Variants in NCAM2 observed in about 807,000 individuals in gnomAD.
NCAM2 encodes the protein N-CAM-2.
A neutral mutation model predicts 98.1 loss-of-function variants in NCAM2; 30 were observed. That is an observed-to-expected ratio of 0.31 (90% confidence interval 0.23 to 0.41). The LOEUF is 0.41. NCAM2 is among the 10% of genes least tolerant of loss of function. The pLI is 1.00. For missense variants in NCAM2, 867 were observed against 1,005.8 expected, an observed-to-expected ratio of 0.86 and a Z score of 1.87; for synonymous variants, 368 against 342.4, an observed-to-expected ratio of 1.07 and a Z score of -0.83.
chr21:21,458,818 C>T (rs1982539549), intron 12 of NCAM2, among the ~76,000 whole-genome samples: 1 of 152,036 alleles, frequency 6.6e-6, no homozygotes, highest in South Asian at 2.1e-4. Flanking sequence ...CACCCAAAGC[C>T]TAGGCAACAA....
chr21:21,324,905 A>G (rs2074472600), intron 6 of NCAM2, among the ~76,000 whole-genome samples: 1 of 152,148 alleles, frequency 6.6e-6, no homozygotes, highest in Non-Finnish European at 1.5e-5. Flanking sequence ...GTATATTTGT[A>G]TTATACACAA....
chr21:21,473,358 C>T (rs1984709741), intron 14 of NCAM2, among the ~76,000 whole-genome samples: 1 of 120,132 alleles, frequency 8.3e-6, no homozygotes, highest in Non-Finnish European at 1.7e-5. Flanking sequence ...ATATAATATA[C>T]AAAATATATG....
intron 1 of NCAM2, among the ~76,000 whole-genome samples, chr21:21,279,427 C>A (rs144185197): frequency 1.3e-5 from 2 of 152,088 alleles, no homozygotes; most frequent in Non-Finnish European, 2.9e-5. Context: ...CGTGCGATCT[C>A]GGCTCACTGC....
intron 9 of NCAM2, among the ~76,000 whole-genome samples, chr21:21,375,398 C>T (rs1341704869): frequency 6.6e-6 from 1 of 151,518 alleles, no homozygotes; most frequent in Non-Finnish European, 1.5e-5. Context: ...TTGATTCTGA[C>T]ACAAATTACT....
At chr21:21,219,480 A>G (rs62209182) in intron 1 of NCAM2, among the ~76,000 whole-genome samples, 3,093 of 152,320 alleles carry the variant, frequency 0.02, 55 homozygotes, top group Admixed American at 0.043. Context: ...CCTATCACCT[A>G]GTGACATTGT....
At chr21:21,435,793 C>T (rs1443144705) in intron 12 of NCAM2, among the ~76,000 whole-genome samples, 1 of 152,062 alleles carries the variant, frequency 6.6e-6, no homozygotes, top group Non-Finnish European at 1.5e-5. Context: ...TTTATTGCTG[C>T]ATTTACACTT....
At chr21:21,110,791 A>T (rs1942948353) in intron 1 of NCAM2, among the ~76,000 whole-genome samples, 1 of 151,974 alleles carries the variant, frequency 6.6e-6, no homozygotes, top group South Asian at 2.1e-4. Flanking sequence ...TGGTTCTACC[A>T]CTTATCGAGG....
At chr21:21,070,975 A>G (rs8130415) in intron 1 of NCAM2, among the ~76,000 whole-genome samples, 5,635 of 152,224 alleles carry the variant, frequency 0.037, 324 homozygotes, top group African/African-American at 0.13. Context: ...AACAGAAGGA[A>G]AAGAAGGCAA....
At chr21:21,503,280 A>G (rs543787689) in intron 15 of NCAM2, among the ~76,000 whole-genome samples, 5 of 151,968 alleles carry the variant, frequency 3.3e-5, no homozygotes, top group Non-Finnish European at 7.4e-5. Context: ...TTATTAAAAT[A>G]GAACAATTAC....
chr21:21,465,629 T>G (rs920844086), intron 12 of NCAM2, among the ~76,000 whole-genome samples: 2 of 151,970 alleles, frequency 1.3e-5, no homozygotes, highest in Middle Eastern at 3.2e-3. Context: ...TCATGGTTTA[T>G]GTAAAACTAT....
intron 10 of NCAM2, among the ~76,000 whole-genome samples, chr21:21,412,345 T>C (rs938830048): frequency 6.6e-6 from 1 of 152,170 alleles, no homozygotes; most frequent in East Asian, 1.9e-4. Context: ...TTCTTAAAGA[T>C]CCTATCTCCA....
intron 1 of NCAM2, among the ~76,000 whole-genome samples, chr21:21,219,308 C>T (rs563879993): frequency 2.0e-5 from 3 of 152,260 alleles, no homozygotes; most frequent in South Asian, 2.1e-4. Flanking sequence ...TAATTTGCTT[C>T]AGCAGCAAAT....
chr21:21,471,605 T>G (rs942531683), intron 14 of NCAM2, among the ~76,000 whole-genome samples: 1 of 152,076 alleles, frequency 6.6e-6, no homozygotes, highest in Admixed American at 6.6e-5. Context: ...TTTGGCCACA[T>G]CTTTCAACTC....
chr21:21,196,814 G>A (rs946649031), intron 1 of NCAM2, among the ~76,000 whole-genome samples: 5 of 152,220 alleles, frequency 3.3e-5, no homozygotes, highest in African/African-American at 9.6e-5. Context: ...CAGTGTTGGA[G>A]GTGGGGCCTG....
chr21:21,225,233 A>G (rs1374491920), intron 1 of NCAM2, among the ~76,000 whole-genome samples: 1 of 152,058 alleles, frequency 6.6e-6, no homozygotes, highest in Non-Finnish European at 1.5e-5. Flanking sequence ...AGGGCGGGGA[A>G]CAACACACAC....
At chr21:21,510,557 C>G (rs886492804) in intron 16 of NCAM2, among the ~76,000 whole-genome samples, 6 of 151,174 alleles carry the variant, frequency 4.0e-5, no homozygotes, top group Non-Finnish European at 8.9e-5. Context: ...TTTTTCTATG[C>G]ATCTGTTGAA....
At chr21:21,356,938 A>G (rs375361350) in intron 8 of NCAM2, among the ~76,000 whole-genome samples, 1 of 152,008 alleles carries the variant, frequency 6.6e-6, no homozygotes, top group South Asian at 2.1e-4. Context: ...TGCAGGAGCC[A>G]AGATCGCGCC....
At chr21:21,064,446 C>T (rs970548285) in intron 1 of NCAM2, among the ~76,000 whole-genome samples, 2 of 152,074 alleles carry the variant, frequency 1.3e-5, no homozygotes, top group Non-Finnish European at 2.9e-5. Flanking sequence ...TGTACTATAT[C>T]GTATTATTGA....
chr21:21,274,309 A>G (rs1446959915), intron 1 of NCAM2, among the ~76,000 whole-genome samples: 1 of 152,158 alleles, frequency 6.6e-6, no homozygotes, highest in East Asian at 1.9e-4. Flanking sequence ...GTAAAGAGGA[A>G]CTACACTAAA....
Sources: gnomAD v4.1 joint callset for allele counts (sites outside exome capture counted in the v4.1 genomes callset) on GRCh38, gnomAD v4.1.1 for gene constraint, MANE v1.5 for transcripts, NCBI Gene and HGNC (gene_info 2026-07-23, HGNC 2026-07-21) for gene names.